DLG2: variants seen among roughly 807,000 people sequenced by gnomAD.
DLG2 encodes disks large homolog 2.
DLG2 carries 45 observed loss-of-function variants against 132.5 expected under a neutral mutation model. The observed-to-expected ratio is 0.34, with a 90% confidence interval of 0.27 to 0.44. The LOEUF is 0.44. DLG2 is among the 20% of genes least tolerant of loss of function. The pLI is 1.00. For missense variants in DLG2, 1,045 were observed against 1,196.9 expected, an observed-to-expected ratio of 0.87 and a Z score of 1.87; for synonymous variants, 424 against 419.6, an observed-to-expected ratio of 1.01 and a Z score of -0.13.
intron 3 of DLG2, among the ~76,000 whole-genome samples, chr11:85,503,787 T>C (rs903884403): frequency 2.0e-5 from 3 of 151,956 alleles, no homozygotes; most frequent in East Asian, 1.9e-4. Flanking sequence ...AAAAAATTAG[T>C]TGGGCATGGT....
Position 84,455,319 on chromosome 11 carries a change from G to T in DLG2, c.519+79251C>A, listed in dbSNP as rs572431738. Among the ~76,000 whole-genome samples the T allele has an allele frequency of 4.0e-5, 6 of 151,506 alleles. No homozygotes were observed. The South Asian group carries it at 1.2e-3, about 31-fold the overall frequency. On this transcript the variant is annotated intron_variant, in intron 7 of 27. Transcript: ENST00000376104. ...CCTGCATTGCAAGTAGATTCATAAA[G>T]AATTTCAGAAATCCCAATTCTATTT...
chr11:85,341,274 A>T (rs2082479942), intron 3 of DLG2, among the ~76,000 whole-genome samples: 1 of 152,040 alleles, frequency 6.6e-6, no homozygotes, highest in Non-Finnish European at 1.5e-5. Context: ...ACCTGCCAAC[A>T]TGCCTGGCTA....
At chr11:85,056,416 G>A (rs1484178003) in intron 6 of DLG2, among the ~76,000 whole-genome samples, 1 of 152,088 alleles carries the variant, frequency 6.6e-6, no homozygotes, top group Non-Finnish European at 1.5e-5. Flanking sequence ...TGTTTCAGCA[G>A]AAGAGAGTGG....
At chr11:84,182,073 C>T (rs746007159) in intron 8 of DLG2, among the ~76,000 whole-genome samples, 2 of 152,152 alleles carry the variant, frequency 1.3e-5, no homozygotes, top group Non-Finnish European at 2.9e-5. Flanking sequence ...CAGCAGATTA[C>T]ACATTCTTCT....
intron 6 of DLG2, among the ~76,000 whole-genome samples, chr11:84,650,787 A>C (rs2099680581): frequency 6.7e-6 from 1 of 148,388 alleles, no homozygotes; most frequent in South Asian, 2.2e-4. Flanking sequence ...ACTATATTTT[A>C]TTGTGTTAAT....
chr11:84,698,774 A>T (rs2058882775), intron 6 of DLG2, among the ~76,000 whole-genome samples: 1 of 148,422 alleles, frequency 6.7e-6, no homozygotes, highest in Non-Finnish European at 1.5e-5. Flanking sequence ...ATGAAAAGTC[A>T]ACTGAATATA....
At chr11:85,403,468 A>G (rs1360014583) in intron 3 of DLG2, among the ~76,000 whole-genome samples, 1 of 151,998 alleles carries the variant, frequency 6.6e-6, no homozygotes, top group Non-Finnish European at 1.5e-5. Flanking sequence ...GTGCACATAT[A>G]CCGTAGAACT....
At chr11:83,542,540 G>A (rs1013936988) in intron 19 of DLG2, among the ~76,000 whole-genome samples, 5 of 152,154 alleles carry the variant, frequency 3.3e-5, no homozygotes, top group Non-Finnish European at 7.4e-5. Flanking sequence ...GCTTCCATAC[G>A]ATGCCTAGCT....
At chr11:85,391,913 A>G (rs1427139756) in intron 3 of DLG2, among the ~76,000 whole-genome samples, 1 of 152,158 alleles carries the variant, frequency 6.6e-6, no homozygotes, top group Non-Finnish European at 1.5e-5. Context: ...CTTCTATTCA[A>G]CATAGTACTA....
intron 2 of DLG2, among the ~76,000 whole-genome samples, chr11:85,612,492 A>C (rs1328380813): frequency 6.6e-6 from 1 of 152,226 alleles, no homozygotes; most frequent in African/African-American, 2.4e-5. Flanking sequence ...AGCTGTTTGC[A>C]CTCAGCCAAA....
intron 6 of DLG2, among the ~76,000 whole-genome samples, chr11:84,801,837 A>G (rs992329713): frequency 2.6e-5 from 4 of 152,208 alleles, no homozygotes; most frequent in Admixed American, 1.3e-4. Context: ...TTGAACATCC[A>G]TAATGATTAG....
chr11:85,289,034 T>C (rs961197802), intron 3 of DLG2, among the ~76,000 whole-genome samples: 3 of 152,062 alleles, frequency 2.0e-5, no homozygotes, highest in Non-Finnish European at 4.4e-5. Flanking sequence ...TCTTCATTAA[T>C]TTATACCCCC....
intron 6 of DLG2, among the ~76,000 whole-genome samples, chr11:84,668,256 A>G (rs2153687981): frequency 6.6e-6 from 1 of 152,226 alleles, no homozygotes; most frequent in East Asian, 1.9e-4. Context: ...TGTACCCTAC[A>G]TTCTAGGGTG....
At chr11:84,567,773 C>G (rs541131493) in intron 6 of DLG2, among the ~76,000 whole-genome samples, 5 of 152,162 alleles carry the variant, frequency 3.3e-5, no homozygotes, top group African/African-American at 1.2e-4. Flanking sequence ...TTCCTCCTTA[C>G]GGAAAGTTCA....
chr11:84,152,179 A>ATT (rs140999810), intron 9 of DLG2, among the ~76,000 whole-genome samples: 2,951 of 152,186 alleles, frequency 0.019, 72 homozygotes, highest in African/African-American at 0.066. Context: ...GTGGCTAAGT[A>ATT]TTTTCATAGA....
intron 3 of DLG2, among the ~76,000 whole-genome samples, chr11:85,427,463 G>A (rs1257619048): frequency 6.6e-6 from 1 of 152,192 alleles, no homozygotes; most frequent in Non-Finnish European, 1.5e-5. Flanking sequence ...GAGAGTGGGG[G>A]CCAATATTCA....
chr11:83,980,288 C>T (rs897122661), intron 12 of DLG2, among the ~76,000 whole-genome samples: 2 of 152,122 alleles, frequency 1.3e-5, no homozygotes, highest in African/African-American at 4.8e-5. Context: ...GAGAAGGTGG[C>T]CACCTGCAAG....
At chr11:83,756,286 T>C (rs1265648675) in intron 18 of DLG2, among the ~76,000 whole-genome samples, 1 of 151,478 alleles carries the variant, frequency 6.6e-6, no homozygotes, top group African/African-American at 2.5e-5. Context: ...TGTGAACTTA[T>C]GTAATGTTTT....
At position 85,021,703 on chromosome 11, in the gene DLG2, C is replaced by CA. The variant is rs572104164; in HGVS notation, c.357+89957dup. The CA allele has an allele frequency of 1.8e-3, 1,557 of 874,960 alleles. 6 individuals are homozygous for CA. Among genetic ancestry groups the CA allele is most frequent in the Admixed American group, 6.2e-3 (297 of 47,960 alleles). 54.2% of individuals were successfully genotyped at this position (874,960 alleles called of 1,614,324 possible). ...CACAGCTGAAAATGTGGCTGAAGAT[C>CA]AAAAAAAATCCCATAGGAGTGAGGA... On this transcript the variant is annotated intron_variant, in intron 6 of 27. Transcript: ENST00000376104.
Sources: allele counts gnomAD v4.1 joint callset (sites outside exome capture counted in the v4.1 genomes callset), GRCh38; gene constraint gnomAD v4.1.1; transcripts MANE v1.5; gene names NCBI Gene and HGNC (gene_info 2026-07-23, HGNC 2026-07-21).